Variants in XKR9 observed in about 807,000 individuals in gnomAD.
The protein encoded by XKR9 is XK-related protein 9.
XKR9 carries 32 observed loss-of-function variants against 32.0 expected under a neutral mutation model. The observed-to-expected ratio is 1.00, with a 90% CI of 0.76 to 1.34. The LOEUF (loss-of-function observed/expected upper bound fraction) is 1.34, where lower values mean the gene tolerates loss of function less well. Ranked by LOEUF, XKR9 falls within the 40% of genes most tolerant of loss-of-function variation. XKR9 has a pLI of 0.00. For missense variants in XKR9, 546 were observed against 429.7 expected, an observed-to-expected ratio of 1.27 and a Z score of -2.39; for synonymous variants, 168 against 143.4, an observed-to-expected ratio of 1.17 and a Z score of -1.22.
Position 70,746,622 on chromosome 8 carries a change from C to A in XKR9, n.352+39469C>A, listed in dbSNP as rs79074264. On this transcript the variant is annotated intron_variant and non_coding_transcript_variant, in intron 2 of 3. Coordinates refer to the XKR9 transcript ENST00000520273. The stretch of plus-strand genomic sequence containing the variant: ...CAGGACTGTTATATTTTCTTTTTGC[C>A]TAGACTGGTACAGAACTTGAAAATT... Among the ~76,000 whole-genome samples, 5 of 151,786 alleles carry A rather than the reference C, an allele frequency of 3.3e-5. No homozygotes were observed. In the East Asian group the frequency reaches 9.7e-4, roughly 29 times the overall value.
the XKR9 span, among the ~76,000 whole-genome samples, chr8:70,852,038 A>T: frequency 6.6e-6 from 1 of 152,242 alleles, no homozygotes; most frequent in African/African-American, 2.4e-5. Flanking sequence ...TGTCTATCTG[A>T]CAAAGGTCTA....
At chr8:70,975,083 GTTGA>G in the XKR9 span, among the ~76,000 whole-genome samples, 3 of 152,110 alleles carry the variant, frequency 2.0e-5, no homozygotes, top group Admixed American at 6.5e-5. Context: ...TTTTGATGGG[GTTGA>G]TTGATTTTTT....
intron 4 of XKR9, among the ~76,000 whole-genome samples, chr8:70,716,263 G>A (rs1806084857): frequency 6.6e-6 from 1 of 152,112 alleles, no homozygotes; most frequent in Admixed American, 6.6e-5. Flanking sequence ...TATTTTAAAA[G>A]AAAGGAAATA....
chr8:70,981,847 G>A, the XKR9 span, among the ~76,000 whole-genome samples: 1 of 152,192 alleles, frequency 6.6e-6, no homozygotes, highest in Non-Finnish European at 1.5e-5. Flanking sequence ...TTGATATGAT[G>A]TTCTCTCCCT....
At chr8:70,791,900 C>A (rs577373503), downstream of XKR9, among the ~76,000 whole-genome samples, 121 of 152,184 alleles carry the variant, frequency 8.0e-4, no homozygotes, top group Non-Finnish European at 1.5e-3. Flanking sequence ...CATTTATAAA[C>A]TCTACAAGAA....
At chr8:70,854,658 C>A in the XKR9 span, among the ~76,000 whole-genome samples, 1 of 152,086 alleles carries the variant, frequency 6.6e-6, no homozygotes, top group Non-Finnish European at 1.5e-5. Flanking sequence ...GGTTTTAGGT[C>A]TAACATTTAA....
the XKR9 span, among the ~76,000 whole-genome samples, chr8:70,842,520 A>G: frequency 6.7e-6 from 1 of 149,338 alleles, no homozygotes; most frequent in Admixed American, 6.7e-5. Context: ...AATAACACAA[A>G]CACACACATC....
the XKR9 span, among the ~76,000 whole-genome samples, chr8:70,952,159 C>T: frequency 1.3e-4 from 9 of 68,748 alleles, no homozygotes; most frequent in East Asian, 2.0e-3. Flanking sequence ...CCTTTACACA[C>T]ACACACACAC....
At chr8:70,801,232 T>C in the XKR9 span, among the ~76,000 whole-genome samples, 1 of 152,170 alleles carries the variant, frequency 6.6e-6, no homozygotes, top group African/African-American at 2.4e-5. Flanking sequence ...CTTGTTTTTC[T>C]AGTTCCTCTA....
At chr8:71,033,563 G>A in the XKR9 span, among the ~76,000 whole-genome samples, 1 of 152,060 alleles carries the variant, frequency 6.6e-6, no homozygotes, top group Non-Finnish European at 1.5e-5. Context: ...TTAGTTGCGG[G>A]GTGTTTGGGT....
At chr8:70,906,726 A>G in the XKR9 span, among the ~76,000 whole-genome samples, 7 of 152,336 alleles carry the variant, frequency 4.6e-5, no homozygotes, top group Admixed American at 3.3e-4. Flanking sequence ...CTGGCTTAAG[A>G]GATACAGAGA....
At chr8:70,755,397 C>T (rs1383737567) in intron 2 of XKR9, among the ~76,000 whole-genome samples, 2 of 152,106 alleles carry the variant, frequency 1.3e-5, no homozygotes, top group African/African-American at 4.8e-5. Context: ...GACCCAGCCA[C>T]CTCATTACTG....
At chr8:70,924,832 T>C in the XKR9 span, among the ~76,000 whole-genome samples, 1 of 152,326 alleles carries the variant, frequency 6.6e-6, no homozygotes, top group South Asian at 2.1e-4. Context: ...CCTAATCAAA[T>C]AGCACCAAAT....
chr8:70,864,750 G>A, the XKR9 span, among the ~76,000 whole-genome samples: 2 of 152,154 alleles, frequency 1.3e-5, no homozygotes, highest in Admixed American at 6.5e-5. Context: ...GATGTTTATG[G>A]AACCGTTTGC....
chr8:70,780,482 T>G (rs1188468972), intron 2 of XKR9, among the ~76,000 whole-genome samples: 2 of 152,140 alleles, frequency 1.3e-5, no homozygotes, highest in African/African-American at 4.8e-5. Flanking sequence ...TTTTTTTGAC[T>G]TATGTACTAT....
the XKR9 span, among the ~76,000 whole-genome samples, chr8:71,021,404 T>C: frequency 6.6e-6 from 1 of 152,182 alleles, no homozygotes; most frequent in Non-Finnish European, 1.5e-5. Flanking sequence ...TTTCAGTTCC[T>C]TATAGATTCT....
At chr8:70,957,856 C>T in the XKR9 span, among the ~76,000 whole-genome samples, 8,770 of 136,978 alleles carry the variant, frequency 0.064, 367 homozygotes, top group Non-Finnish European at 0.086. Flanking sequence ...GGCATGATCT[C>T]GGCTCACTGC....
chr8:70,890,974 C>T, the XKR9 span, among the ~76,000 whole-genome samples: 2 of 151,830 alleles, frequency 1.3e-5, no homozygotes, highest in African/African-American at 4.8e-5. Context: ...TCTTCTTACT[C>T]ATAATTGTTC....
chr8:70,818,001 C>G, the XKR9 span, among the ~76,000 whole-genome samples: 1 of 152,070 alleles, frequency 6.6e-6, no homozygotes, highest in Non-Finnish European at 1.5e-5. Context: ...ACCTCAAACT[C>G]TAAACATTCT....
Sources: allele counts gnomAD v4.1 joint callset (sites outside exome capture counted in the v4.1 genomes callset), GRCh38; gene constraint gnomAD v4.1.1; transcripts MANE v1.5; gene names NCBI Gene and HGNC (gene_info 2026-07-23, HGNC 2026-07-21).